Variants in CHST11 observed in about 807,000 individuals in gnomAD.
The protein encoded by CHST11 is C4S-1.
In CHST11, 9 loss-of-function variants were observed where a neutral mutation model predicts 30.4. The ratio of observed to expected loss-of-function variants is 0.30; its 90% CI spans 0.18 to 0.52. The LOEUF is 0.52. Among genes scored for constraint, CHST11 ranks in the 20% least tolerant of loss-of-function variants. The probability of loss-of-function intolerance (pLI) is 0.97; values close to 1 mark genes in which losing one functional copy is unlikely to be tolerated. For missense variants in CHST11, 348 were observed against 460.6 expected, an observed-to-expected ratio of 0.76 and a Z score of 2.24; for synonymous variants, 152 against 187.8, an observed-to-expected ratio of 0.81 and a Z score of 1.56.
chr12:104,563,255 C>A (rs899949777), intron 1 of CHST11, among the ~76,000 whole-genome samples: 1 of 152,150 alleles, frequency 6.6e-6, no homozygotes, highest in Non-Finnish European at 1.5e-5. Flanking sequence ...CCAGGCTGGT[C>A]TCGAACTCCT....
chr12:104,473,929 A>G (rs868236976), intron 1 of CHST11, among the ~76,000 whole-genome samples: 87 of 152,152 alleles, frequency 5.7e-4, no homozygotes, highest in Middle Eastern at 6.8e-3. Flanking sequence ...CACCACCACC[A>G]CCACCACCAC....
intron 1 of CHST11, among the ~76,000 whole-genome samples, chr12:104,460,699 G>A (rs938187522): frequency 6.6e-6 from 1 of 151,096 alleles, no homozygotes; most frequent in African/African-American, 2.4e-5. Context: ...AAAGGAGACA[G>A]CTGGCAAGGC....
At chr12:104,468,450 A>G (rs1477670244) in intron 1 of CHST11, among the ~76,000 whole-genome samples, 1 of 152,186 alleles carries the variant, frequency 6.6e-6, no homozygotes, top group Non-Finnish European at 1.5e-5. Flanking sequence ...AGAGGAATGG[A>G]TGGAATAAAA....
At chr12:104,742,561 C>G (rs184589481) in intron 2 of CHST11, among the ~76,000 whole-genome samples, 17 of 152,226 alleles carry the variant, frequency 1.1e-4, no homozygotes, top group Non-Finnish European at 1.5e-5. Context: ...GTTCCTGTTC[C>G]GGGCCACCAT....
chr12:104,670,656 C>T (rs917011884), intron 2 of CHST11, among the ~76,000 whole-genome samples: 1 of 149,750 alleles, frequency 6.7e-6, no homozygotes. Context: ...CCCACACATA[C>T]CCACACACAC....
Position 104,597,297 on chromosome 12 carries a change from C to A in CHST11, c.119-4609C>A, listed in dbSNP as rs1592785718. ...TACTGTAAATTGAGCTAATTAGATT[C>A]TTTAAAAAAAAATCTTTAATCCCAT... On this transcript the variant is annotated intron_variant, in intron 1 of 2. Transcript: ENST00000303694. Among the ~76,000 whole-genome samples, 5 of 150,798 alleles carry A rather than the reference C, an allele frequency of 3.3e-5. No individual in the cohort carries two copies. In the East Asian group the frequency reaches 7.8e-4, roughly 23 times the overall value.
At chr12:104,706,007 G>A (rs1319664143) in intron 2 of CHST11, among the ~76,000 whole-genome samples, 2 of 151,434 alleles carry the variant, frequency 1.3e-5, no homozygotes, top group Non-Finnish European at 2.9e-5. Context: ...GATTGCTTGA[G>A]TGCAGAAGTT....
At chr12:104,518,512 G>A (rs1044618440) in intron 1 of CHST11, among the ~76,000 whole-genome samples, 5 of 152,142 alleles carry the variant, frequency 3.3e-5, no homozygotes, top group East Asian at 1.9e-4. Context: ...TCTGTGCACC[G>A]TGTTCTGGGA....
chr12:104,467,182 T>A (rs1217884535), intron 1 of CHST11, among the ~76,000 whole-genome samples: 2 of 152,244 alleles, frequency 1.3e-5, no homozygotes, highest in Non-Finnish European at 2.9e-5. Context: ...CTCCAGTTCA[T>A]TTTGTGGTTG....
intron 1 of CHST11, among the ~76,000 whole-genome samples, chr12:104,591,388 G>A (rs758807561): frequency 6.6e-6 from 1 of 152,032 alleles, no homozygotes; most frequent in Non-Finnish European, 1.5e-5. Context: ...ATAGCCCAAG[G>A]GGAAGGCGAT....
At chr12:104,655,448 C>T (rs865814972) in intron 2 of CHST11, among the ~76,000 whole-genome samples, 2 of 152,176 alleles carry the variant, frequency 1.3e-5, no homozygotes, top group African/African-American at 2.4e-5. Context: ...TCCTGGATCC[C>T]GGGGTTTCTC....
In CHST11 at chr12:104,600,858, C is replaced by T. The variant is rs1427277942; in HGVS notation, c.119-1048C>T. Among the ~76,000 whole-genome samples, 1 of 150,478 alleles carries T rather than the reference C, an allele frequency of 6.6e-6. No homozygotes were observed. Among genetic ancestry groups the T allele is most frequent in the Non-Finnish European group, 1.5e-5 (1 of 67,658 alleles). ...CTTCCCCCATCTCTCTTTTTTCCCT[C>T]TCTCCTTCTTTCCTTTCTTCCTTCC... On this transcript the variant is annotated intron_variant, in intron 1 of 2. Coordinates refer to ENST00000303694, the MANE Select transcript of CHST11 (RefSeq NM_018413.6). This position sits in a 1 kb window ranked among gnomAD's most constrained non-coding sequence, Gnocchi z 4.1.
intron 2 of CHST11, among the ~76,000 whole-genome samples, chr12:104,743,731 C>T (rs531211583): frequency 2.0e-5 from 3 of 152,172 alleles, no homozygotes; most frequent in Admixed American, 1.3e-4. Context: ...ACCCAGTACC[C>T]ATTAGTTGTT....
intron 1 of CHST11, among the ~76,000 whole-genome samples, chr12:104,538,324 GA>G (rs1272953789): frequency 6.6e-6 from 1 of 152,196 alleles, no homozygotes; most frequent in Non-Finnish European, 1.5e-5. Context: ...AATTTCAGGA[GA>G]AAGATCAGAG....
intron 1 of CHST11, among the ~76,000 whole-genome samples, chr12:104,518,122 C>CA (rs1220951247): frequency 2.0e-5 from 3 of 151,682 alleles, no homozygotes; most frequent in South Asian, 4.2e-4. Context: ...CCTTACTTGA[C>CA]AAAAAAATAA....
In CHST11 at chr12:104,485,452, C is replaced by G. The variant is rs186988123; in HGVS notation, c.118+27923C>G. Among the ~76,000 whole-genome samples, 360 of 152,300 alleles carry G rather than the reference C, an allele frequency of 2.4e-3. 2 individuals carry two copies. The highest frequency in any genetic ancestry group is 8.1e-3 in the African/African-American group (337 of 41,570). ...GGCCACAGCTGCAGGGAGCGGGGCT[C>G]GGAGGAGCTGCAGATCCTAAGAAGG... On this transcript the variant is annotated intron_variant, in intron 1 of 2. Coordinates refer to ENST00000303694, the MANE Select transcript of CHST11 (RefSeq NM_018413.6).
intron 1 of CHST11, among the ~76,000 whole-genome samples, chr12:104,567,974 A>G (rs2038584152): frequency 6.6e-6 from 1 of 152,216 alleles, no homozygotes; most frequent in Admixed American, 6.5e-5. Flanking sequence ...AACTGTGAGC[A>G]ATACATTGAT....
Position 104,457,517 on chromosome 12 carries a change from A to T in CHST11, c.106A>T (p.Met36Leu). 1 of 1,611,890 alleles carries T rather than the reference A, an allele frequency of 6.2e-7. No individual in the cohort carries two copies. The highest frequency in any genetic ancestry group is 8.5e-7 in the Non-Finnish European group (1 of 1,177,920). Residue 36 changes from methionine to leucine, a missense_variant, in exon 1 of 3, where the codon ATG becomes TTG. This residue lies in a region of CHST11 where 135 missense variants were observed against 155.8 expected (regional missense o/e 0.87). Coordinates refer to ENST00000303694, the MANE Select transcript of CHST11 (RefSeq NM_018413.6). ...CCTGGTCATCTTCTATTTCCAAAGT[A>T]TGTTGCACCCAGGTAGGGGGCGCGT... is the stretch of plus-strand genomic sequence containing the variant. ...FILVIFYFQS[M>L]LHPVMRRNPF...
At chr12:104,487,779 G>T (rs7975558) in intron 1 of CHST11, among the ~76,000 whole-genome samples, 2 of 150,744 alleles carry the variant, frequency 1.3e-5, no homozygotes, top group African/African-American at 4.9e-5. Flanking sequence ...ATAGAGTTGC[G>T]TATCATTTAA....
Sources: gnomAD v4.1 joint callset for allele counts (sites outside exome capture counted in the v4.1 genomes callset) on GRCh38, gnomAD v4.1.1 for gene constraint, gnomAD v4.1.1 regional missense constraint, Gnocchi (gnomAD v3.1) non-coding constraint, MANE v1.5 for transcripts, NCBI Gene and HGNC (gene_info 2026-07-23, HGNC 2026-07-21) for gene names.